The following STOX1 variants were observed in gnomAD, a reference collection of about 807,000 sequenced individuals.
The protein encoded by STOX1 is storkhead box 1, also known as storkhead-box protein 1.
Under a neutral mutation model 74.8 loss-of-function variants are expected in STOX1, and 57 were observed. That is an observed-to-expected ratio of 0.76 (90% CI 0.62 to 0.95). STOX1 has a LOEUF of 0.95. STOX1 is among the 40% of genes least tolerant of loss of function. The pLI is 0.00. For missense variants in STOX1, 1,010 were observed against 1,117.0 expected (o/e 0.90, Z 1.37); for synonymous variants, 375 against 401.3 (o/e 0.93, Z 0.78).
At chr10:68,860,846 C>A (rs1319166355) in intron 1 of STOX1, among the ~76,000 whole-genome samples, 1 of 151,570 alleles carries the variant, frequency 6.6e-6, no homozygotes, top group Non-Finnish European at 1.5e-5. Flanking sequence ...TATGTTCCTT[C>A]TTCTTAGGTG....
intron 1 of STOX1, among the ~76,000 whole-genome samples, chr10:68,873,217 C>T (rs1324751806): frequency 6.7e-6 from 1 of 149,810 alleles, no homozygotes; most frequent in Admixed American, 6.7e-5. Flanking sequence ...TGAGACGGAG[C>T]AGGGACCCTC....
intron 1 of STOX1, among the ~76,000 whole-genome samples, chr10:68,829,327 C>G (rs1839347281): frequency 6.6e-6 from 1 of 152,160 alleles, no homozygotes; most frequent in Non-Finnish European, 1.5e-5. Flanking sequence ...ACCAGTCTGG[C>G]TAATACGGTG....
intron 1 of STOX1, among the ~76,000 whole-genome samples, chr10:68,872,347 T>C (rs56967090): frequency 0.013 from 1,515 of 120,378 alleles, 27 homozygotes; most frequent in African/African-American, 0.036. Flanking sequence ...CTTTTCTTTT[T>C]TTTTTTTTTT....
chr10:68,891,921 A>G lies in STOX1; in HGVS notation c.2823-668A>G, dbSNP rs182313577. On this transcript the variant is annotated intron_variant, in intron 3 of 3. Coordinates refer to ENST00000298596, the MANE Select transcript of STOX1 (RefSeq NM_152709.5). Reference sequence around the variant, plus strand: ...CTGCAACCTCTGCCTCATAGGTTCAAGAGATTCTCATGCCTCAGTCTCATG... The same window carrying G: ...CTGCAACCTCTGCCTCATAGGTTCAGGAGATTCTCATGCCTCAGTCTCATG... Among the ~76,000 whole-genome samples the G allele has an allele frequency of 3.4e-4, 52 of 152,146 alleles. No individual in the cohort carries two copies. The East Asian group carries it at 6.0e-3, about 18-fold the overall frequency.
chr10:68,853,113 C>T (rs940528998), intron 1 of STOX1, among the ~76,000 whole-genome samples: 2 of 151,940 alleles, frequency 1.3e-5, no homozygotes, highest in South Asian at 2.1e-4. Flanking sequence ...TTAGTAGAAA[C>T]GGGGTTTCAC....
At chr10:68,892,299 G>A (rs978902270) in intron 3 of STOX1, among the ~76,000 whole-genome samples, 1 of 149,588 alleles carries the variant, frequency 6.7e-6, no homozygotes, top group African/African-American at 2.5e-5. Context: ...GAAGTTTTTC[G>A]GGGAACTTAC....
intron 1 of STOX1, among the ~76,000 whole-genome samples, chr10:68,842,471 A>G (rs1270137852): frequency 6.6e-6 from 1 of 152,084 alleles, no homozygotes; most frequent in African/African-American, 2.4e-5. Context: ...TTTTGAGGAA[A>G]AGGTATGCAA....
chr10:68,888,077 G>GCA (rs1443648858), intron 3 of STOX1, among the ~76,000 whole-genome samples: 1 of 150,902 alleles, frequency 6.6e-6, no homozygotes, highest in Non-Finnish European at 1.5e-5. Flanking sequence ...ACACACGCGC[G>GCA]CACACACGCA....
chr10:68,868,917 T>C (rs938814009), intron 1 of STOX1, among the ~76,000 whole-genome samples: 1 of 152,214 alleles, frequency 6.6e-6, no homozygotes, highest in Non-Finnish European at 1.5e-5. Flanking sequence ...CCAGATACTA[T>C]TATTCATCTT....
chr10:68,868,299 G>A (rs1431777879), intron 1 of STOX1, among the ~76,000 whole-genome samples: 2 of 152,208 alleles, frequency 1.3e-5, no homozygotes, highest in African/African-American at 4.8e-5. Context: ...GATAAACATC[G>A]TTTCTGCAGT....
chr10:68,836,548 C>T (rs1354852147), intron 1 of STOX1, among the ~76,000 whole-genome samples: 1 of 152,214 alleles, frequency 6.6e-6, no homozygotes, highest in Non-Finnish European at 1.5e-5. Flanking sequence ...GTGCTGGTCA[C>T]GTCCACAGCC....
intron 1 of STOX1, among the ~76,000 whole-genome samples, chr10:68,843,710 A>G (rs2133514206): frequency 6.6e-6 from 1 of 152,168 alleles, no homozygotes; most frequent in Admixed American, 6.5e-5. Context: ...GGTGCCCATC[A>G]TCACGCCCAG....
At chr10:68,850,338 C>A (rs532358201) in intron 1 of STOX1, among the ~76,000 whole-genome samples, 7 of 152,276 alleles carry the variant, frequency 4.6e-5, no homozygotes, top group Admixed American at 4.6e-4. Context: ...AAGCTTATTT[C>A]TCTAGCCCTG....
intron 1 of STOX1, among the ~76,000 whole-genome samples, chr10:68,831,929 CTTT>C (rs75873763): frequency 7.0e-6 from 1 of 143,324 alleles, no homozygotes. Context: ...CTTTTCTTTT[CTTT>C]TTTTTTTTTT....
At chr10:68,865,475 C>T (rs1337344643) in intron 1 of STOX1, among the ~76,000 whole-genome samples, 2 of 152,170 alleles carry the variant, frequency 1.3e-5, no homozygotes, top group African/African-American at 4.8e-5. Context: ...TGGTGAAACC[C>T]CGTCTCTACT....
At chr10:68,847,092 A>G (rs1839873817) in intron 1 of STOX1, among the ~76,000 whole-genome samples, 1 of 152,132 alleles carries the variant, frequency 6.6e-6, no homozygotes, top group Non-Finnish European at 1.5e-5. Context: ...CTTCTGTGAA[A>G]CAAAATGCCT....
rs2131998040 is a variant in STOX1 at position 68,885,702 on chromosome 10, C to G, written c.1906C>G (p.Gln636Glu). The change falls in exon 3 of 4, where the codon CAG becomes GAG. Residue 636 changes from glutamine (Q) to glutamate (E), a missense_variant. By Grantham distance (29) the Gln-to-Glu change is conservative. Transcript: ENST00000298596. ...SHFDKLGETK[Q>E]TPHSLPSRGA... ...CTTTGACAAATTAGGGGAGACCAAACAGACTCCGCATAGTCTGCCATCACG... is the reference window on the plus strand; with the variant it reads ...CTTTGACAAATTAGGGGAGACCAAAGAGACTCCGCATAGTCTGCCATCACG... The G allele has an allele frequency of 6.2e-7, 1 of 1,614,142 alleles. No homozygotes were observed. Among genetic ancestry groups the G allele is most frequent in the Non-Finnish European group, 8.5e-7 (1 of 1,180,028 alleles).
chr10:68,841,668 G>T (rs963556606), intron 1 of STOX1, among the ~76,000 whole-genome samples: 6 of 152,150 alleles, frequency 3.9e-5, no homozygotes, highest in African/African-American at 1.4e-4. Flanking sequence ...TCCTAGTTCA[G>T]TGTGTTTGGA....
At chr10:68,835,576 T>C (rs1839526209) in intron 1 of STOX1, among the ~76,000 whole-genome samples, 1 of 150,936 alleles carries the variant, frequency 6.6e-6, no homozygotes, top group South Asian at 2.1e-4. Flanking sequence ...TCTGGGCCTC[T>C]AGTTCTTTAG....
Sources: allele counts gnomAD v4.1 joint callset (sites outside exome capture counted in the v4.1 genomes callset), GRCh38; gene constraint gnomAD v4.1.1; transcripts MANE v1.5; gene names NCBI Gene and HGNC (gene_info 2026-07-23, HGNC 2026-07-21).